Variants in PLXNA2 observed in about 807,000 individuals in gnomAD.
The protein encoded by PLXNA2 is plexin-A2.
PLXNA2 carries 91 observed loss-of-function variants against 193.5 expected under a neutral mutation model. The ratio of observed to expected loss-of-function variants is 0.47; its 90% CI spans 0.40 to 0.56. The LOEUF (loss-of-function observed/expected upper bound fraction) is 0.56. Among genes scored for constraint, PLXNA2 ranks in the 20% least tolerant of loss-of-function variants. The pLI is 0.00. For synonymous variants in PLXNA2, 997 were observed against 1,027.3 expected (o/e 0.97, Z 0.56); for missense variants, 1,995 against 2,503.2 (o/e 0.80, Z 4.33).
intron 3 of PLXNA2, among the ~76,000 whole-genome samples, chr1:208,153,602 T>C (rs1159966055): frequency 1.3e-5 from 2 of 152,188 alleles, no homozygotes; most frequent in Non-Finnish European, 2.9e-5. Flanking sequence ...CTCAAGGTAC[T>C]GCTATGAAAA....
At chr1:208,198,805 T>C (rs1306465040) in intron 3 of PLXNA2, among the ~76,000 whole-genome samples, 4 of 152,144 alleles carry the variant, frequency 2.6e-5, no homozygotes, top group African/African-American at 9.7e-5. Flanking sequence ...AAAAAGCTAG[T>C]GGTTAAAAGC....
At position 208,038,351 on chromosome 1, in the gene PLXNA2, G is replaced by A. The variant is rs1159498930; in HGVS notation, c.4764+20C>T. Reference sequence around the variant, plus strand: ...GAACATTCTGGGAAGCTGAAGAGGGGAAAAGACACCCCCTCTCACCTGATA... The same window carrying A: ...GAACATTCTGGGAAGCTGAAGAGGGAAAAAGACACCCCCTCTCACCTGATA... On this transcript the variant is annotated intron_variant, in intron 26 of 31. Transcript: ENST00000367033. This position sits in a 1 kb window ranked among gnomAD's most constrained non-coding sequence, Gnocchi z 4.1. 3.3e-6 allele frequency: 5 copies of A among 1,537,060 alleles called. No homozygotes were observed. In the African/African-American group the frequency reaches 6.8e-5, roughly 21 times the overall value.
intron 29 of PLXNA2, chr1:208,029,763 C>T: frequency 1.0e-6 from 1 of 985,588 alleles, no homozygotes; most frequent in Non-Finnish European, 1.2e-6. Context: ...GAATTTATAA[C>T]CAGAGGAGAA....
At chr1:208,031,251 T>A (rs1472188755) in intron 29 of PLXNA2, 1 of 1,122,756 alleles carries the variant, frequency 8.9e-7, no homozygotes, top group Non-Finnish European at 1.1e-6. Flanking sequence ...ATGCAGCTCT[T>A]TGCATAGGTT....
chr1:208,089,691 C>A (rs1490177345), intron 9 of PLXNA2, among the ~76,000 whole-genome samples: 1 of 152,074 alleles, frequency 6.6e-6, no homozygotes, highest in Non-Finnish European at 1.5e-5. Flanking sequence ...CTATATTAAT[C>A]AATGGAGCTA....
intron 3 of PLXNA2, among the ~76,000 whole-genome samples, chr1:208,181,362 G>A (rs1448006945): frequency 1.3e-5 from 2 of 152,194 alleles, no homozygotes; most frequent in East Asian, 1.9e-4. Context: ...AGACCCTGAG[G>A]GGTGCAGCCT....
chr1:208,136,598 T>C (rs1668307891), intron 4 of PLXNA2, among the ~76,000 whole-genome samples: 1 of 152,210 alleles, frequency 6.6e-6, no homozygotes, highest in African/African-American at 2.4e-5. Flanking sequence ...GGCCTGGGGC[T>C]GCCTGCCTGT....
rs1665081223 is a variant in PLXNA2 at position 208,046,765 on chromosome 1, A to C, written c.3256-648T>G. Reference sequence around the variant, plus strand: ...AGGCCTGGGGACAAGGGAGCATGGGATGTTTGAGAAAAAAGTAGGACAGAA... The same window carrying C: ...AGGCCTGGGGACAAGGGAGCATGGGCTGTTTGAGAAAAAAGTAGGACAGAA... On this transcript the variant is annotated intron_variant, in intron 17 of 31. Coordinates refer to ENST00000367033, the MANE Select transcript of PLXNA2 (RefSeq NM_025179.4). Among the ~76,000 whole-genome samples, 8 of 141,406 alleles carry C rather than the reference A, an allele frequency of 5.7e-5. No homozygotes were observed. The South Asian group carries it at 1.6e-3, about 28-fold the overall frequency. 92.8% of individuals were successfully genotyped at this position (141,406 alleles called of 152,430 possible). A position where few individuals can be genotyped will look rare whatever the true frequency, so the allele number is the denominator to read the frequency against.
intron 1 of PLXNA2, among the ~76,000 whole-genome samples, chr1:208,222,229 C>T (rs576309271): frequency 1.3e-5 from 2 of 152,310 alleles, no homozygotes; most frequent in South Asian, 4.1e-4. Context: ...GTGTCAACCT[C>T]AGGAGTTTTC....
chr1:208,159,754 C>A (rs996417923), intron 3 of PLXNA2, among the ~76,000 whole-genome samples: 5 of 152,232 alleles, frequency 3.3e-5, no homozygotes, highest in African/African-American at 1.2e-4. Flanking sequence ...CATCTCTGTA[C>A]TACTCAAAGC....
At position 208,056,163 on chromosome 1, in the gene PLXNA2, C is replaced by A. The variant is rs181936684; in HGVS notation, c.2739-1625G>T. Among the ~76,000 whole-genome samples the A allele has an allele frequency of 2.0e-5, 3 of 152,352 alleles. No individual in the cohort carries two copies. The East Asian group carries it at 5.8e-4, about 29-fold the overall frequency. On this transcript the variant is annotated intron_variant, in intron 13 of 31. Transcript: ENST00000367033. ...TCCTGTTTCCCGGACCCTGGCAACC[C>A]GCTGCTGTTTCAGGTCCCTGACATC...
chr1:208,124,481 C>T (rs1667903873), intron 4 of PLXNA2, among the ~76,000 whole-genome samples: 1 of 151,896 alleles, frequency 6.6e-6, no homozygotes, highest in Non-Finnish European at 1.5e-5. Context: ...GAGTTCAAGG[C>T]CAGCCTGGCC....
chr1:208,041,476 C>T (rs1044906850), intron 22 of PLXNA2, among the ~76,000 whole-genome samples: 7 of 152,220 alleles, frequency 4.6e-5, no homozygotes, highest in South Asian at 2.1e-4. Flanking sequence ...TCAGAAGGCA[C>T]GGCCTTCTAG....
At position 208,152,576 on chromosome 1, in the gene PLXNA2, T is replaced by C. The variant is rs1041724168; in HGVS notation, c.1372-10113A>G. Among the ~76,000 whole-genome samples the C allele has an allele frequency of 1.7e-3, 257 of 152,270 alleles. 3 individuals carry two copies. Among genetic ancestry groups the C allele is most frequent in the Non-Finnish European group, 3.7e-4 (25 of 68,034 alleles). ...GTGTTGGTAATTTTCTTTCTCTTGC[T>C]TAACTCAGTCTCCTAATTTTTTTAT... On this transcript the variant is annotated intron_variant, in intron 3 of 31. Coordinates refer to ENST00000367033, the MANE Select transcript of PLXNA2 (RefSeq NM_025179.4).
Position 208,182,630 on chromosome 1 carries a change from A to G in PLXNA2, c.1371+27650T>C, listed in dbSNP as rs191182560. The stretch of plus-strand genomic sequence containing the variant: ...CCGTCTCCTCATTTTGCAGATAGGA[A>G]AACTGAGGCGTATTTGCCATCACTC... On this transcript the variant is annotated intron_variant, in intron 3 of 31. Coordinates refer to ENST00000367033, the MANE Select transcript of PLXNA2 (RefSeq NM_025179.4). Among the ~76,000 whole-genome samples, 20 of 152,000 alleles carry G rather than the reference A, an allele frequency of 1.3e-4. 1 individual carries two copies. In the East Asian group the frequency reaches 3.2e-3, roughly 24 times the overall value.
intron 3 of PLXNA2, among the ~76,000 whole-genome samples, chr1:208,173,080 C>T (rs1669545554): frequency 6.6e-6 from 1 of 152,200 alleles, no homozygotes; most frequent in South Asian, 2.1e-4. Context: ...GGACTCCTGG[C>T]TTTACCACTA....
Position 208,044,503 on chromosome 1 carries a change from C to G in PLXNA2, c.3874+5G>C. On this transcript the variant is annotated splice_donor_5th_base_variant and intron_variant, in intron 20 of 31. Coordinates refer to ENST00000367033, the MANE Select transcript of PLXNA2 (RefSeq NM_025179.4). The surrounding 1 kb of genome is among the most constrained non-coding windows in gnomAD (Gnocchi z 4.9). The stretch of plus-strand genomic sequence containing the variant: ...CCCAGCAAATGAGGGTGTGCTTCCA[C>G]TAACCTTCCTTGCACTCCAAGGCCA... 1 of 1,607,876 alleles carries G rather than the reference C, an allele frequency of 6.2e-7. No individual in the cohort carries two copies. Among genetic ancestry groups the G allele is most frequent in the Non-Finnish European group, 8.5e-7 (1 of 1,174,338 alleles).
intron 1 of PLXNA2, among the ~76,000 whole-genome samples, chr1:208,218,373 C>T (rs1257892460): frequency 4.6e-5 from 7 of 152,172 alleles, no homozygotes; most frequent in Non-Finnish European, 8.8e-5. Flanking sequence ...CCTACCGGCA[C>T]GTCTTATCCC....
In PLXNA2 at chr1:208,038,562, T is replaced by A. The variant is rs1037751307; in HGVS notation, c.4661-88A>T. ...CCCGATTGCACCTTCTCTAGGGACC[T>A]GGCAACCCGGCCCCCTCAAGCTGGT... On this transcript the variant is annotated intron_variant, in intron 25 of 31. Transcript: ENST00000367033. The surrounding 1 kb of genome is among the most constrained non-coding windows in gnomAD (Gnocchi z 4.1). 5 of 1,074,646 alleles carry A rather than the reference T, an allele frequency of 4.7e-6. No homozygotes were observed. The African/African-American group carries it at 6.2e-5, about 13-fold the overall frequency. The allele number at this position is 1,074,646 out of a possible 1,614,324, so 66.6% of individuals were successfully genotyped here.
Sources: gnomAD v4.1 joint callset for allele counts (sites outside exome capture counted in the v4.1 genomes callset) on GRCh38, gnomAD v4.1.1 for gene constraint, Gnocchi (gnomAD v3.1) non-coding constraint, MANE v1.5 for transcripts, NCBI Gene and HGNC (gene_info 2026-07-23, HGNC 2026-07-21) for gene names.